SIRPG: variants seen among roughly 807,000 people sequenced by gnomAD.
SIRPG encodes the protein signal regulatory protein gamma.
Under a neutral mutation model 35.7 loss-of-function variants are expected in SIRPG, and 38 were observed. The ratio of observed to expected loss-of-function variants is 1.06; its 90% CI spans 0.82 to 1.40. The LOEUF is 1.40. SIRPG is among the 40% of genes most tolerant of loss of function. The pLI is 0.00. For synonymous variants in SIRPG, 215 were observed against 190.4 expected (o/e 1.13, Z -1.06); for missense variants, 519 against 483.0 (o/e 1.07, Z -0.70).
the SIRPG span, among the ~76,000 whole-genome samples, chr20:1,669,120 A>G: frequency 6.6e-6 from 1 of 152,214 alleles, no homozygotes; most frequent in African/African-American, 2.4e-5. Flanking sequence ...TCCTTGGGAC[A>G]ATGTCTAGCA....
In SIRPG at chr20:1,629,339, G is replaced by C. The variant is rs1335198660; in HGVS notation, c.*300C>G. The C allele has an allele frequency of 6.6e-6, 1 of 152,332 alleles. No individual in the cohort carries two copies. The highest frequency in any genetic ancestry group is 2.4e-5 in the African/African-American group (1 of 41,412). 9.4% of individuals were successfully genotyped at this position (152,332 alleles called of 1,614,324 possible). A position where few individuals can be genotyped will look rare whatever the true frequency, so the allele number is the denominator to read the frequency against. ...CTCAAGGCGATGGATGGGAGTCCTG[G>C]TGTGTTTAGATTTGGCATGTTTCTC... is the stretch of plus-strand genomic sequence containing the variant. On this transcript the variant is annotated 3_prime_UTR_variant, in exon 6 of 6. Coordinates refer to ENST00000303415, the MANE Select transcript of SIRPG (RefSeq NM_018556.4).
chr20:1,657,912 G>A (rs1419448794), upstream of SIRPG: 34 of 529,772 alleles, frequency 6.4e-5, 1 homozygote, highest in East Asian at 9.2e-4. Flanking sequence ...GGAGTTAATC[G>A]TGCTCCATTT....
the SIRPG span, among the ~76,000 whole-genome samples, chr20:1,678,244 AC>A: frequency 0.24 from 36,245 of 151,770 alleles, 5,018 homozygotes; most frequent in East Asian, 0.58. Flanking sequence ...CATGTGATAC[AC>A]TGTGGGCCCA....
rs772946686 is a variant in SIRPG, at chr20:1,649,116, A to G, written c.366T>C (p.Phe122=). 4.3e-5 allele frequency: 69 copies of G among 1,613,812 alleles called. No homozygotes were observed. The highest frequency in any genetic ancestry group is 1.5e-4 in the African/African-American group (11 of 74,910). Residue 122 remains phenylalanine (F), a synonymous_variant, in exon 2 of 6, where the codon TTT becomes TTC. Transcript: ENST00000303415. ...ADVGTYYCVK[F]RKGSPENVEF... is the part of the protein sequence containing the mutation. ...CCACGTTCTCAGGGCTCCCTTTTCG[A>G]AACTTCACACAGTAGTATGTGCCGA...
At chr20:1,675,066 C>A in the SIRPG span, among the ~76,000 whole-genome samples, 2 of 152,158 alleles carry the variant, frequency 1.3e-5, no homozygotes, top group Admixed American at 6.5e-5. Flanking sequence ...TAGAGAGAAG[C>A]CTCCCTCCTG....
chr20:1,657,212 G>C (rs1042534708), intron 1 of SIRPG, among the ~76,000 whole-genome samples: 8 of 152,172 alleles, frequency 5.3e-5, no homozygotes, highest in Non-Finnish European at 8.8e-5. Context: ...AAGAAAGAAA[G>C]TAAATGTCTA....
chr20:1,675,873 GT>G, the SIRPG span, among the ~76,000 whole-genome samples: 36,720 of 151,934 alleles, frequency 0.24, 5,194 homozygotes, highest in East Asian at 0.59. Context: ...GAGCTGCACT[GT>G]TTTTTTTCTT....
At chr20:1,670,204 CT>C in the SIRPG span, 1 of 261,040 alleles carries the variant, frequency 3.8e-6, no homozygotes, top group Non-Finnish European at 8.3e-6. Context: ...GGTTCCCTGC[CT>C]TTATGGGCTG....
At chr20:1,638,637 T>C (rs1205620641) in intron 2 of SIRPG, among the ~76,000 whole-genome samples, 1 of 152,178 alleles carries the variant, frequency 6.6e-6, no homozygotes, top group African/African-American at 2.4e-5. Flanking sequence ...AGTTCTGGGA[T>C]ACAAGTGCAG....
At chr20:1,630,123 C>G in intron 5 of SIRPG, 99 bp downstream of exon 5, 1 of 944,938 alleles carries the variant, frequency 1.1e-6, no homozygotes, top group Non-Finnish European at 1.7e-6. Flanking sequence ...GAGCTTAACT[C>G]CACGGACCCT....
chr20:1,679,030 T>A, the SIRPG span, among the ~76,000 whole-genome samples: 9 of 152,164 alleles, frequency 5.9e-5, no homozygotes, highest in Non-Finnish European at 1.0e-4. Context: ...TATTCTCAGA[T>A]AAATCCTCAG....
At chr20:1,661,691 T>C (rs1045533583), upstream of SIRPG, among the ~76,000 whole-genome samples, 1 of 152,114 alleles carries the variant, frequency 6.6e-6, no homozygotes, top group African/African-American at 2.4e-5. Context: ...GAGGTAGCTG[T>C]AGGGAGAAAG....
upstream of SIRPG, among the ~76,000 whole-genome samples, chr20:1,662,363 G>C (rs1433248779): frequency 6.6e-6 from 1 of 152,164 alleles, no homozygotes; most frequent in Non-Finnish European, 1.5e-5. Context: ...TGGGAGCTTG[G>C]TTAGCTCGTC....
chr20:1,665,553 G>A, the SIRPG span, among the ~76,000 whole-genome samples: 1 of 152,170 alleles, frequency 6.6e-6, no homozygotes, highest in Admixed American at 6.5e-5. Flanking sequence ...GCAGAAACCA[G>A]GGAAAGAGGC....
chr20:1,666,819 G>A, the SIRPG span, among the ~76,000 whole-genome samples: 2 of 151,672 alleles, frequency 1.3e-5, no homozygotes, highest in Non-Finnish European at 2.9e-5. Flanking sequence ...CAATACATGT[G>A]TACCATTTTA....
chr20:1,634,914 G>C (rs567176565), intron 4 of SIRPG, among the ~76,000 whole-genome samples: 1 of 151,708 alleles, frequency 6.6e-6, no homozygotes, highest in East Asian at 2.0e-4. Flanking sequence ...GTGGTGGCGG[G>C]CGCCTGTAGT....
At chr20:1,654,006 G>A (rs139960559) in intron 1 of SIRPG, among the ~76,000 whole-genome samples, 17 of 152,230 alleles carry the variant, frequency 1.1e-4, no homozygotes, top group South Asian at 4.2e-4. Flanking sequence ...TTGGGAGGCC[G>A]AAGCGAGCAG....
chr20:1,685,281 A>G, the SIRPG span, among the ~76,000 whole-genome samples: 3 of 152,188 alleles, frequency 2.0e-5, no homozygotes, highest in African/African-American at 7.2e-5. Context: ...GTCCCCCAAA[A>G]TGCATGTGTT....
At chr20:1,674,469 C>T in the SIRPG span, among the ~76,000 whole-genome samples, 1 of 152,198 alleles carries the variant, frequency 6.6e-6, no homozygotes, top group Non-Finnish European at 1.5e-5. Context: ...TTATCATCAA[C>T]AGGTGCGGAC....
Sources: gnomAD v4.1 joint callset for allele counts (sites outside exome capture counted in the v4.1 genomes callset) on GRCh38, gnomAD v4.1.1 for gene constraint, MANE v1.5 for transcripts, NCBI Gene and HGNC (gene_info 2026-07-23, HGNC 2026-07-21) for gene names.